The following PGM5 variants were observed in gnomAD, a reference collection of about 807,000 sequenced individuals.
The protein encoded by PGM5 is phosphoglucomutase 5.
Under a neutral mutation model 59.2 loss-of-function variants are expected in PGM5, and 23 were observed. The observed-to-expected ratio is 0.39, with a 90% CI of 0.28 to 0.55. The LOEUF (loss-of-function observed/expected upper bound fraction) is 0.55. PGM5 is among the 20% of genes least tolerant of loss of function. PGM5 has a pLI of 0.66. For synonymous variants in PGM5, 214 were observed against 286.0 expected (o/e 0.75, Z 2.54); for missense variants, 574 against 748.3 (o/e 0.77, Z 2.72).
intron 6 of PGM5, among the ~76,000 whole-genome samples, chr9:68,444,700 A>G (rs1823583826): frequency 6.6e-6 from 1 of 152,182 alleles, no homozygotes; most frequent in Admixed American, 6.5e-5. Flanking sequence ...AAGTTCTACA[A>G]AAGTAAACCA....
chr9:68,504,766 C>A (rs1023082988), intron 10 of PGM5, among the ~76,000 whole-genome samples: 7 of 151,946 alleles, frequency 4.6e-5, no homozygotes, highest in Non-Finnish European at 8.8e-5. Flanking sequence ...ATGGAAGCAC[C>A]AGGAGGCTGG....
At chr9:68,503,968 G>T (rs13298000) in intron 10 of PGM5, among the ~76,000 whole-genome samples, 1 of 152,098 alleles carries the variant, frequency 6.6e-6, no homozygotes, top group Admixed American at 6.5e-5. Flanking sequence ...GTATGAGGAG[G>T]GCCAGAGATT....
At chr9:68,396,611 A>T (rs1334235272) in intron 6 of PGM5, 1 of 152,774 alleles carries the variant, frequency 6.5e-6, no homozygotes, top group African/African-American at 2.4e-5. Flanking sequence ...ATTTAAAAGG[A>T]TTATTCATGC....
chr9:68,508,548 T>C (rs941253197), intron 10 of PGM5, among the ~76,000 whole-genome samples: 1 of 152,250 alleles, frequency 6.6e-6, no homozygotes, highest in African/African-American at 2.4e-5. Flanking sequence ...AGTTTTACCA[T>C]GTCTAAAGCA....
At position 68,406,660 on chromosome 9, in the gene PGM5, GTATATATA is replaced by G. The variant is rs1305648432; in HGVS notation, c.1043+14197_1043+14204del. Among the ~76,000 whole-genome samples the G allele has an allele frequency of 2.8e-4, 16 of 57,636 alleles. 2 individuals are homozygous for G. The highest frequency in any genetic ancestry group is 0.016 in the Middle Eastern group (1 of 62). 37.8% of individuals were successfully genotyped at this position (57,636 alleles called of 152,430 possible). The stretch of plus-strand genomic sequence containing the variant: ...GGTCTTGTACTGAGGATTAAATTAG[GTATATATA>G]TATATATATGTATATATATATATAT... On this transcript the variant is annotated intron_variant, in intron 6 of 10. Transcript: ENST00000396396.
chr9:68,441,854 AG>A (rs1169086069), intron 6 of PGM5, among the ~76,000 whole-genome samples: 2 of 146,088 alleles, frequency 1.4e-5, no homozygotes, highest in African/African-American at 5.5e-5. Context: ...GAAAATCCAA[AG>A]TAATACACAC....
chr9:68,439,961 T>G (rs1223701769), intron 6 of PGM5, among the ~76,000 whole-genome samples: 1 of 152,150 alleles, frequency 6.6e-6, no homozygotes, highest in Admixed American at 6.6e-5. Flanking sequence ...ACTTGAGAAC[T>G]AAACTGCACT....
chr9:68,489,641 A>G (rs1470203346), intron 9 of PGM5, among the ~76,000 whole-genome samples: 5 of 150,306 alleles, frequency 3.3e-5, no homozygotes, highest in South Asian at 4.2e-4. Context: ...ATTTTTTTAT[A>G]CCCTTAGTAG....
rs898135104 is a variant in PGM5, at chr9:68,529,894, G to T, written c.*238G>T. On this transcript the variant is annotated 3_prime_UTR_variant, in exon 11 of 11. Transcript: ENST00000396396. Reference sequence around the variant, plus strand: ...TCTGTTAAAGCTGCACTATAATTTGGTATCTACATTTTATCACACAAAGGA... The same window carrying T: ...TCTGTTAAAGCTGCACTATAATTTGTTATCTACATTTTATCACACAAAGGA... The T allele has an allele frequency of 2.6e-6, 1 of 381,736 alleles. No individual in the cohort carries two copies. Among genetic ancestry groups the T allele is most frequent in the Non-Finnish European group, 4.7e-6 (1 of 213,134 alleles). The allele number at this position is 381,736 out of a possible 1,614,324, so 23.6% of individuals were successfully genotyped here.
intron 6 of PGM5, among the ~76,000 whole-genome samples, chr9:68,452,815 T>C (rs1213165707): frequency 1.3e-5 from 2 of 152,202 alleles, no homozygotes; most frequent in East Asian, 3.8e-4. Flanking sequence ...AACTAGGACC[T>C]GGAGGAGGGG....
intron 6 of PGM5, among the ~76,000 whole-genome samples, chr9:68,453,145 T>A (rs552960151): frequency 3.1e-4 from 47 of 152,324 alleles, no homozygotes; most frequent in African/African-American, 1.1e-3. Context: ...TACAATGAAA[T>A]GAGCATTTGG....
chr9:68,474,850 C>T (rs1225624912), intron 7 of PGM5, among the ~76,000 whole-genome samples: 1 of 150,196 alleles, frequency 6.7e-6, no homozygotes, highest in East Asian at 1.9e-4. Flanking sequence ...GACACTCACT[C>T]TCAAGCCATA....
intron 10 of PGM5, among the ~76,000 whole-genome samples, chr9:68,525,780 GGC>G (rs1824962102): frequency 6.6e-6 from 1 of 152,136 alleles, no homozygotes; most frequent in Non-Finnish European, 1.5e-5. Flanking sequence ...GAGCTTGCCG[GGC>G]GTGGTGGCTC....
intron 2 of PGM5, among the ~76,000 whole-genome samples, chr9:68,379,078 G>C (rs1343765179): frequency 6.6e-6 from 1 of 152,048 alleles, no homozygotes; most frequent in Non-Finnish European, 1.5e-5. Context: ...AAAAAAGAAA[G>C]ACACATTGCT....
chr9:68,525,708 G>A (rs1824960929), intron 10 of PGM5, among the ~76,000 whole-genome samples: 1 of 152,202 alleles, frequency 6.6e-6, no homozygotes, highest in Non-Finnish European at 1.5e-5. Flanking sequence ...AGTGATACAT[G>A]ACTGTTTAAT....
chr9:68,429,512 T>C (rs1263522841), intron 6 of PGM5: 3 of 152,166 alleles, frequency 2.0e-5, no homozygotes, highest in East Asian at 1.9e-4. Context: ...TTTAATACTC[T>C]CCCTTCAGGA....
chr9:68,523,525 C>G (rs1182197776), intron 10 of PGM5, among the ~76,000 whole-genome samples: 1 of 152,148 alleles, frequency 6.6e-6, no homozygotes, highest in Non-Finnish European at 1.5e-5. Flanking sequence ...GGAGAGAAAG[C>G]CTGGCATTCA....
At chr9:68,456,069 A>G (rs1392175160) in intron 6 of PGM5, among the ~76,000 whole-genome samples, 4 of 152,134 alleles carry the variant, frequency 2.6e-5, no homozygotes, top group Admixed American at 2.6e-4. Context: ...GTGGTAATAA[A>G]CATCCTTGAA....
At chr9:68,515,959 G>T (rs771137539) in intron 10 of PGM5, among the ~76,000 whole-genome samples, 2 of 152,188 alleles carry the variant, frequency 1.3e-5, no homozygotes. Flanking sequence ...TCAAGTGCTT[G>T]CCCCGTATGG....
Sources: allele counts gnomAD v4.1 joint callset (sites outside exome capture counted in the v4.1 genomes callset), GRCh38; gene constraint gnomAD v4.1.1; transcripts MANE v1.5; gene names NCBI Gene and HGNC (gene_info 2026-07-23, HGNC 2026-07-21).